STARD9: variants seen among roughly 807,000 people sequenced by gnomAD.
The protein encoded by STARD9 is stAR-related lipid transfer protein 9.
STARD9 carries 346 observed loss-of-function variants against 399.8 expected under a neutral mutation model. The ratio of observed to expected loss-of-function variants is 0.87; its 90% CI spans 0.79 to 0.95. The LOEUF (loss-of-function observed/expected upper bound fraction) is 0.95. Among genes scored for constraint, STARD9 ranks in the 40% least tolerant of loss-of-function variants. The pLI is 0.00. For synonymous variants in STARD9, 2,203 were observed against 2,143.5 expected (o/e 1.03, Z -0.77); for missense variants, 5,832 against 5,667.5 (o/e 1.03, Z -0.93).
chr15:42,694,490 A>T, intron 23 of STARD9, 38 bp from the exon 24 acceptor site: 1 of 1,534,496 alleles, frequency 6.5e-7, no homozygotes, highest in Non-Finnish European at 8.7e-7. Context: ...AGTGAAGGAC[A>T]TTCAGGGCCA....
intron 26 of STARD9, among the ~76,000 whole-genome samples, chr15:42,705,907 C>G (rs555164207): frequency 2.6e-5 from 4 of 152,128 alleles, no homozygotes; most frequent in South Asian, 2.1e-4. Flanking sequence ...CGCCTGCCCC[C>G]ACGCCTGGCT....
At chr15:42,656,672 C>T (rs1271438421) in intron 9 of STARD9, among the ~76,000 whole-genome samples, 1 of 152,104 alleles carries the variant, frequency 6.6e-6, no homozygotes, top group African/African-American at 2.4e-5. Flanking sequence ...ATAGCATTTG[C>T]AGCAACCTGG....
chr15:42,605,627 T>G (rs2058710081), intron 3 of STARD9, among the ~76,000 whole-genome samples: 1 of 152,196 alleles, frequency 6.6e-6, no homozygotes, highest in Non-Finnish European at 1.5e-5. Flanking sequence ...ATAATCCCTT[T>G]GTCAATAACT....
At chr15:42,609,471 T>G (rs1449669707) in intron 3 of STARD9, among the ~76,000 whole-genome samples, 1 of 151,802 alleles carries the variant, frequency 6.6e-6, no homozygotes, top group African/African-American at 2.4e-5. Context: ...GATGGAGTCT[T>G]GCTCTGTCAC....
chr15:42,686,539 C>G lies in STARD9; in HGVS notation c.4961C>G (p.Ala1654Gly), dbSNP rs2060562119. The change falls in exon 23 of 33, where the codon GCT becomes GGT. Residue 1654 changes from alanine (A) to glycine (G), a missense_variant. Ala to Gly is a moderately conservative substitution (Grantham distance 60, BLOSUM62 0). Coordinates refer to ENST00000290607, the MANE Select transcript of STARD9 (RefSeq NM_020759.3). ...GATGAGGATTTTTTCCAGAAGAACG[C>G]TTGTCACAGTAATGTCACTACAGCC... ...SSDEDFFQKN[A>G]CHSNVTTATK... 6.5e-7 allele frequency: 1 copy of G among 1,537,604 alleles called. No individual in the cohort carries two copies. Among genetic ancestry groups the G allele is most frequent in the Non-Finnish European group, 8.7e-7 (1 of 1,147,018 alleles).
intron 3 of STARD9, among the ~76,000 whole-genome samples, chr15:42,604,586 T>C (rs149928796): frequency 2.0e-5 from 3 of 149,072 alleles, no homozygotes; most frequent in African/African-American, 7.3e-5. Flanking sequence ...GGGGAGGAAA[T>C]CTAGTTCATA....
intron 9 of STARD9, 26 bp downstream of exon 9, chr15:42,652,618 G>C: frequency 6.6e-7 from 1 of 1,521,206 alleles, no homozygotes; most frequent in Non-Finnish European, 8.8e-7. Flanking sequence ...TGTTTGGTGA[G>C]ATTTCTTCCT....
intron 2 of STARD9, among the ~76,000 whole-genome samples, chr15:42,585,289 G>T (rs184058999): frequency 1.3e-5 from 2 of 152,246 alleles, no homozygotes; most frequent in East Asian, 1.9e-4. Context: ...CATATAGTTG[G>T]TTCATATGTA....
In STARD9 at chr15:42,685,013, A is replaced by G; in HGVS notation, c.3435A>G (p.Gln1145=). ...EPENSESDDS[Q]LSEDSLAEKR... ...AGAACTCTGAAAGTGATGACAGCCA[A>G]CTATCTGAGGACTCACTGGCTGAGA... The change falls in exon 23 of 33, where the codon CAA becomes CAG. Residue 1145 remains glutamine, a synonymous_variant. Coordinates refer to ENST00000290607, the MANE Select transcript of STARD9 (RefSeq NM_020759.3). The G allele has an allele frequency of 1.3e-6, 2 of 1,537,168 alleles. No homozygotes were observed. The highest frequency in any genetic ancestry group is 1.2e-5 in the South Asian group (1 of 84,054).
In STARD9 at chr15:42,685,733, A is replaced by G. The variant is rs977122195; in HGVS notation, c.4155A>G (p.Pro1385=). Residue 1385 remains proline, a synonymous_variant, in exon 23 of 33, where the codon CCA becomes CCG. Transcript: ENST00000290607. ...GYWPNTEELK[P]SDAETVLPYS... ...GGCCAAATACTGAGGAACTAAAGCC[A>G]TCAGATGCAGAAACGGTTCTGCCAT... 17 of 1,537,364 alleles carry G rather than the reference A, an allele frequency of 1.1e-5. No homozygotes were observed. Among genetic ancestry groups the G allele is most frequent in the Non-Finnish European group, 1.4e-5 (16 of 1,146,972 alleles).
At chr15:42,711,248 T>C (rs1349004615) in intron 26 of STARD9, among the ~76,000 whole-genome samples, 2 of 151,936 alleles carry the variant, frequency 1.3e-5, no homozygotes, top group Non-Finnish European at 2.9e-5. Context: ...CAAGCAATTC[T>C]CCTGCCTCAG....
chr15:42,639,007 G>A (rs2059480019), intron 7 of STARD9, among the ~76,000 whole-genome samples, 195 bp downstream of exon 7: 1 of 149,724 alleles, frequency 6.7e-6, no homozygotes, highest in East Asian at 1.9e-4. Context: ...TAGTGGGTGT[G>A]AGTCAGGAAA....
chr15:42,652,010 A>G lies in STARD9; in HGVS notation c.630-510A>G, dbSNP rs184444391. Among the ~76,000 whole-genome samples the G allele has an allele frequency of 1.2e-4, 19 of 152,294 alleles. No homozygotes were observed. The East Asian group carries it at 3.7e-3, about 29-fold the overall frequency. On this transcript the variant is annotated intron_variant, in intron 8 of 32. Coordinates refer to ENST00000290607, the MANE Select transcript of STARD9 (RefSeq NM_020759.3). Reference sequence around the variant, plus strand: ...CTGGCTTAAGCATGATATTGATGTGATTTAAGATCTCATTTCCAAGATCTT... The same window carrying G: ...CTGGCTTAAGCATGATATTGATGTGGTTTAAGATCTCATTTCCAAGATCTT...
In STARD9 at chr15:42,652,591, A is replaced by T. The variant is rs1328224893; in HGVS notation, c.701A>T (p.Gln234Leu). ...SHAIFTIHYT[Q>L]AILENNLPSE... ...GCCATTTTCACGATCCACTACACGC[A>T]GGTTGGTAACTCCTTATGTTTGGTG... The change falls in exon 9 of 33, where the codon CAG becomes CTG. Residue 234 changes from glutamine to leucine, a missense_variant and splice_region_variant. Coordinates refer to ENST00000290607, the MANE Select transcript of STARD9 (RefSeq NM_020759.3). The T allele has an allele frequency of 2.0e-6, 3 of 1,537,202 alleles. No individual in the cohort carries two copies. In the East Asian group the frequency reaches 7.3e-5, roughly 38 times the overall value.
rs1170481728 is a variant in STARD9 at position 42,684,688 on chromosome 15, C to T, written c.3110C>T (p.Pro1037Leu). 2.6e-6 allele frequency: 4 copies of T among 1,537,040 alleles called. No individual in the cohort carries two copies. The highest frequency in any genetic ancestry group is 1.4e-5 in the African/African-American group (1 of 73,012). ...TFWTEYKPPSPSRASKRHQRV... is the reference protein window; with the variant it reads ...TFWTEYKPPSLSRASKRHQRV... ...TGGACAGAATACAAACCACCTTCTC[C>T]AAGCAGGGCATCAAAAAGGCATCAG... The change falls in exon 23 of 33, where the codon CCA (proline) becomes CTA (leucine). Residue 1037 changes from proline (P) to leucine (L), a missense_variant. By Grantham distance (98) the Pro-to-Leu change is moderately conservative (BLOSUM62 -3). Around this residue, in one of 2 missense-constraint regions of STARD9, gnomAD observed 5,828 missense variants for 5,651.1 expected, o/e 1.03. Transcript: ENST00000290607.
At chr15:42,666,737 G>C (rs144957698) in intron 15 of STARD9, among the ~76,000 whole-genome samples, 145 of 152,334 alleles carry the variant, frequency 9.5e-4, no homozygotes, top group African/African-American at 3.4e-3. Context: ...GAAAGAGACT[G>C]CTGTAACCCC....
chr15:42,688,042 G>A lies in STARD9; in HGVS notation c.6464G>A (p.Arg2155Lys), dbSNP rs2060604170. 6.5e-7 allele frequency: 1 copy of A among 1,537,366 alleles called. No homozygotes were observed. The highest frequency in any genetic ancestry group is 2.0e-5 in the Admixed American group (1 of 50,978). Residue 2155 changes from arginine to lysine, a missense_variant, in exon 23 of 33, where the codon AGG becomes AAG. Around this residue, in one of 2 missense-constraint regions of STARD9, gnomAD observed 5,828 missense variants for 5,651.1 expected, o/e 1.03. Transcript: ENST00000290607. ...QKITPNPFRSREGVRESEPVR... is the reference protein window; with the variant it reads ...QKITPNPFRSKEGVRESEPVR... Reference sequence around the variant, plus strand: ...ATCACCCCAAACCCCTTCAGGTCAAGGGAAGGTGTACGAGAGAGTGAACCT... The same window carrying A: ...ATCACCCCAAACCCCTTCAGGTCAAAGGAAGGTGTACGAGAGAGTGAACCT...
rs1283466898 is a variant in STARD9, at chr15:42,695,755, C to T, written c.13159C>T (p.Leu4387=). 6.5e-6 allele frequency: 10 copies of T among 1,537,060 alleles called. No individual in the cohort carries two copies. Among genetic ancestry groups the T allele is most frequent in the Non-Finnish European group, 8.7e-6 (10 of 1,146,848 alleles). ...TTGTCCTTCCCAGGAAGAGGATAAA[C>T]TACATACCTTGGCCAATTCCAGCTC... The part of the protein sequence containing the change: ...ISQLLKEEDK[L]HTLANSSSLC... The change falls in exon 26 of 33, where the codon CTA becomes TTA. Residue 4387 remains leucine, a synonymous_variant. Coordinates refer to ENST00000290607, the MANE Select transcript of STARD9 (RefSeq NM_020759.3).
At chr15:42,648,758 TC>T (rs570255301) in intron 7 of STARD9, among the ~76,000 whole-genome samples, 53 of 152,046 alleles carry the variant, frequency 3.5e-4, no homozygotes, top group African/African-American at 1.3e-3. Flanking sequence ...TTCCCTTTTT[TC>T]CCCCCTTCCC....
Sources: allele counts gnomAD v4.1 joint callset (sites outside exome capture counted in the v4.1 genomes callset), GRCh38; gene constraint gnomAD v4.1.1; regional missense constraint gnomAD v4.1.1; transcripts MANE v1.5; gene names NCBI Gene and HGNC (gene_info 2026-07-23, HGNC 2026-07-21).